Variants in FBXW11 observed in about 807,000 individuals in gnomAD.
FBXW11 encodes the protein F-box/WD repeat-containing protein 11.
Under a neutral mutation model 77.6 loss-of-function variants are expected in FBXW11, and 19 were observed. That is an observed-to-expected ratio of 0.24 (90% CI 0.17 to 0.36). The LOEUF (loss-of-function observed/expected upper bound fraction) is 0.36. Ranked by LOEUF, FBXW11 falls within the 10% of genes least tolerant of loss-of-function variation. The pLI is 1.00. For missense variants in FBXW11, 334 were observed against 704.2 expected (o/e 0.47, Z 5.95); for synonymous variants, 235 against 249.4 (o/e 0.94, Z 0.54).
chr5:171,910,743 T>C lies in FBXW11; in HGVS notation c.265A>G (p.Asn89Asp), dbSNP rs202202238. Residue 89 changes from asparagine to aspartate, a missense_variant, in exon 4 of 14, where the codon AAC (asparagine) becomes GAC (aspartate). Coordinates refer to ENST00000517395, the MANE Select transcript of FBXW11 (RefSeq NM_001378974.1). ...CACAAGTCTTTTTCTTTTTGATAGT[T>C]TCCTTCTGATGGCCTCTTTCTGGAG... is the stretch of plus-strand genomic sequence containing the variant. The part of the protein sequence containing the change: ...IVSRKRPSEG[N>D]YQKEKDLCIK... The C allele has an allele frequency of 1.2e-6, 2 of 1,613,758 alleles. No homozygotes were observed. Among genetic ancestry groups the C allele is most frequent in the African/African-American group, 2.7e-5 (2 of 75,028 alleles).
chr5:171,891,340 T>G, intron 7 of FBXW11, 127 bp downstream of exon 7: 1 of 820,474 alleles, frequency 1.2e-6, no homozygotes, highest in Non-Finnish European at 1.8e-6. Context: ...AGAACTACAC[T>G]GAGAGCTGCC....
chr5:171,993,820 T>C (rs1217931663), intron 1 of FBXW11, among the ~76,000 whole-genome samples: 2 of 152,150 alleles, frequency 1.3e-5, no homozygotes, highest in Non-Finnish European at 2.9e-5. Flanking sequence ...TGATGGTAAA[T>C]TATAAATCTC....
rs1408633121 is a variant in FBXW11 at position 171,863,554 on chromosome 5, A to G, written c.*573T>C. On this transcript the variant is annotated 3_prime_UTR_variant, in exon 14 of 14. Transcript: ENST00000517395. ...GGTACAGAAAGGAAGTATAATCCCA[A>G]AAATATTACTAAAACAATCCAGAGA... is the stretch of plus-strand genomic sequence containing the variant. 1 of 152,612 alleles carries G rather than the reference A, an allele frequency of 6.6e-6. No homozygotes were observed. The highest frequency in any genetic ancestry group is 1.5e-5 in the Non-Finnish European group (1 of 68,040). The allele number at this position is 152,612 out of a possible 1,614,324, so 9.5% of individuals were successfully genotyped here.
chr5:172,004,798 G>A (rs187803795), intron 1 of FBXW11, among the ~76,000 whole-genome samples: 4 of 151,616 alleles, frequency 2.6e-5, no homozygotes, highest in Admixed American at 2.6e-4. Context: ...TTGACTACAA[G>A]TATGATAAAT....
At position 171,882,813 on chromosome 5, in the gene FBXW11, A is replaced by G. The variant is rs772280005; in HGVS notation, c.853-4684T>C. On this transcript the variant is annotated intron_variant, in intron 7 of 13. Coordinates refer to ENST00000517395, the MANE Select transcript of FBXW11 (RefSeq NM_001378974.1). Reference sequence around the variant, plus strand: ...GCTTTTATTTTTTTATTTTTCCATAAGCTATTGTACAGGTGGTATTTGGTT... The same window carrying G: ...GCTTTTATTTTTTTATTTTTCCATAGGCTATTGTACAGGTGGTATTTGGTT... Among the ~76,000 whole-genome samples the G allele has an allele frequency of 3.3e-4, 50 of 151,302 alleles. No individual in the cohort carries two copies. The Middle Eastern group carries it at 0.01, about 31-fold the overall frequency.
chr5:171,926,162 T>C (rs1011854474), intron 2 of FBXW11, among the ~76,000 whole-genome samples: 1 of 152,088 alleles, frequency 6.6e-6, no homozygotes, highest in African/African-American at 2.4e-5. Context: ...AGTTAAACTT[T>C]AAAAGTAAGT....
chr5:171,946,486 T>C (rs1183309850), intron 2 of FBXW11, among the ~76,000 whole-genome samples: 2 of 152,116 alleles, frequency 1.3e-5, no homozygotes, highest in African/African-American at 4.8e-5. Context: ...ATGACCTTCC[T>C]CCTTCCTTCC....
At chr5:171,958,211 C>T (rs948982105) in intron 1 of FBXW11, among the ~76,000 whole-genome samples, 1 of 152,158 alleles carries the variant, frequency 6.6e-6, no homozygotes, top group Non-Finnish European at 1.5e-5. Flanking sequence ...CAAGGACACA[C>T]AACAAAGGAG....
intron 2 of FBXW11, among the ~76,000 whole-genome samples, chr5:171,945,187 C>T (rs1762944506): frequency 6.6e-6 from 1 of 152,184 alleles, no homozygotes; most frequent in Non-Finnish European, 1.5e-5. Context: ...AAGCAGGAAG[C>T]TATTTTCAAT....
intron 4 of FBXW11, among the ~76,000 whole-genome samples, chr5:171,901,916 A>G (rs1052387797): frequency 2.0e-5 from 3 of 152,218 alleles, no homozygotes; most frequent in Admixed American, 6.5e-5. Flanking sequence ...ATGATGGGCT[A>G]AAGTACTAAG....
At chr5:171,971,789 CT>C (rs1432596249) in intron 1 of FBXW11, among the ~76,000 whole-genome samples, 1 of 152,168 alleles carries the variant, frequency 6.6e-6, no homozygotes, top group Non-Finnish European at 1.5e-5. Flanking sequence ...TCAACACCAG[CT>C]TGGGCAACAC....
At chr5:171,929,915 G>T (rs1286430773) in intron 2 of FBXW11, among the ~76,000 whole-genome samples, 1 of 151,984 alleles carries the variant, frequency 6.6e-6, no homozygotes, top group East Asian at 1.9e-4. Flanking sequence ...GAATTCACAG[G>T]ACACAAAGAC....
intron 6 of FBXW11, among the ~76,000 whole-genome samples, chr5:171,892,885 G>C (rs753332689): frequency 3.3e-5 from 5 of 152,126 alleles, no homozygotes; most frequent in Non-Finnish European, 7.4e-5. Flanking sequence ...CTAATTATTT[G>C]CTTTGTTGAA....
At chr5:171,931,186 G>C (rs1183466502) in intron 2 of FBXW11, among the ~76,000 whole-genome samples, 1 of 152,104 alleles carries the variant, frequency 6.6e-6, no homozygotes, top group East Asian at 1.9e-4. Context: ...GGTTTACATG[G>C]AGAGGCTAAA....
At chr5:171,937,323 T>C (rs532963190) in intron 2 of FBXW11, among the ~76,000 whole-genome samples, 1 of 152,304 alleles carries the variant, frequency 6.6e-6, no homozygotes, top group Admixed American at 6.5e-5. Context: ...GCCTCTCTAC[T>C]GAAAAGCAAG....
chr5:171,915,207 C>G (rs1761147616), intron 2 of FBXW11, among the ~76,000 whole-genome samples: 3 of 152,154 alleles, frequency 2.0e-5, no homozygotes, highest in Admixed American at 2.0e-4. Flanking sequence ...TTATGGATAG[C>G]AGTCTCTCTA....
chr5:171,981,147 T>TA (rs58104034), intron 1 of FBXW11, among the ~76,000 whole-genome samples: 10 of 149,934 alleles, frequency 6.7e-5, no homozygotes, highest in African/African-American at 1.7e-4. Context: ...TGACCTCCAT[T>TA]AAAAAAAAAA....
At chr5:171,864,717 CT>C (rs1315908509) in intron 13 of FBXW11, among the ~76,000 whole-genome samples, 1 of 152,094 alleles carries the variant, frequency 6.6e-6, no homozygotes, top group Non-Finnish European at 1.5e-5. Flanking sequence ...TTGACTATGG[CT>C]TTGAGTCTGA....
intron 1 of FBXW11, among the ~76,000 whole-genome samples, chr5:171,966,224 C>T (rs1298268675): frequency 2.6e-5 from 4 of 152,014 alleles, no homozygotes; most frequent in Non-Finnish European, 4.4e-5. Context: ...ATTTTGAGTC[C>T]ATCTTAAACA....
Sources: allele counts gnomAD v4.1 joint callset (sites outside exome capture counted in the v4.1 genomes callset), GRCh38; gene constraint gnomAD v4.1.1; transcripts MANE v1.5; gene names NCBI Gene and HGNC (gene_info 2026-07-23, HGNC 2026-07-21).